The following ACR variants were observed in gnomAD, a reference collection of about 807,000 sequenced individuals.
ACR encodes the protein acrosin light and heavy chain prepropeptide.
A neutral mutation model predicts 26.0 loss-of-function variants in ACR; 17 were observed. That is an observed-to-expected ratio of 0.65 (90% CI 0.45 to 0.98). ACR has a LOEUF of 0.98. ACR is among the 50% of genes least tolerant of loss of function. ACR has a pLI of 0.00. For synonymous variants in ACR, 199 were observed against 207.7 expected (o/e 0.96, Z 0.36); for missense variants, 435 against 519.3 (o/e 0.84, Z 1.58).
Position 50,739,464 on chromosome 22 carries a change from G to A in ACR, c.271G>A (p.Val91Ile), listed in dbSNP as rs764777015. ...RWVLTAAHCF[V>I]GKNNVHDWRL... ...GGTGCTCACTGCTGCTCACTGCTTC[G>A]TCGGCAAAAAGTACGTGTAGGGATG... Residue 91 changes from valine (V) to isoleucine (I), a missense_variant, in exon 2 of 5, where the codon GTC (valine) becomes ATC (isoleucine). Physicochemically the swap from Val to Ile is conservative, Grantham distance 29 (BLOSUM62 3). Around this residue, in one of 3 missense-constraint regions of ACR, gnomAD observed 314 missense variants for 372.0 expected, o/e 0.84. Coordinates refer to ENST00000216139, the MANE Select transcript of ACR (RefSeq NM_001097.3). This position sits in a 1 kb window ranked among gnomAD's most constrained non-coding sequence, Gnocchi z 5.5. 27 of 1,614,038 alleles carry A rather than the reference G, an allele frequency of 1.7e-5. No individual in the cohort carries two copies. The highest frequency in any genetic ancestry group is 8.9e-5 in the East Asian group (4 of 44,894).
rs1045521116 is a variant in ACR, at chr22:50,739,636, C to A, written c.282-58C>A. On this transcript the variant is annotated intron_variant, in intron 2 of 4. Coordinates refer to ENST00000216139, the MANE Select transcript of ACR (RefSeq NM_001097.3). This position sits in a 1 kb window ranked among gnomAD's most constrained non-coding sequence, Gnocchi z 5.5. Reference sequence around the variant, plus strand: ...TTTGCTAGGGGAAGGCCCTGAGGGTCGCTGTCACCAGGCTTTTGTCCAGCC... The same window carrying A: ...TTTGCTAGGGGAAGGCCCTGAGGGTAGCTGTCACCAGGCTTTTGTCCAGCC... The A allele has an allele frequency of 1.3e-5, 20 of 1,540,564 alleles. No individual in the cohort carries two copies. The African/African-American group carries it at 2.3e-4, about 18-fold the overall frequency.
intron 3 of ACR, among the ~76,000 whole-genome samples, chr22:50,742,319 T>G (rs993454379): frequency 6.6e-6 from 1 of 151,882 alleles, no homozygotes; most frequent in Non-Finnish European, 1.5e-5. Flanking sequence ...CCAAGGAGGG[T>G]GGATCACAAG....
At chr22:50,742,955 C>T (rs1325853128) in intron 3 of ACR, among the ~76,000 whole-genome samples, 1 of 148,154 alleles carries the variant, frequency 6.7e-6, no homozygotes, top group Non-Finnish European at 1.5e-5. Flanking sequence ...TGTGGGACCC[C>T]TTGAAAAGGA....
In ACR at chr22:50,739,964, TATA is replaced by T. The variant is rs1366845454; in HGVS notation, c.553_555del (p.Ile185del). 10 of 1,613,542 alleles carry T rather than the reference TATA, an allele frequency of 6.2e-6. 1 individual carries two copies. The South Asian group carries it at 8.8e-5, about 14-fold the overall frequency. ...GCTGCTGGGTGGCCGGCTGGGGATATATAGAAGAGAAAGGTGAGTATGGGAGCG... is the reference window on the plus strand; with the variant it reads ...GCTGCTGGGTGGCCGGCTGGGGATATGAAGAGAAAGGTGAGTATGGGAGCG... On this transcript the variant is annotated inframe_deletion, in exon 3 of 5. Transcript: ENST00000216139. This position sits in a 1 kb window ranked among gnomAD's most constrained non-coding sequence, Gnocchi z 5.5.
Position 50,745,304 on chromosome 22 carries a change from C to T in ACR, c.*97C>T, listed in dbSNP as rs1196425341. 1 of 1,240,912 alleles carries T rather than the reference C, an allele frequency of 8.1e-7. No homozygotes were observed. Among genetic ancestry groups the T allele is most frequent in the Non-Finnish European group, 1.1e-6 (1 of 923,538 alleles). The allele number at this position is 1,240,912 out of a possible 1,614,324, so 76.9% of individuals were successfully genotyped here. On this transcript the variant is annotated 3_prime_UTR_variant, in exon 5 of 5. Coordinates refer to ENST00000216139, the MANE Select transcript of ACR (RefSeq NM_001097.3). The stretch of plus-strand genomic sequence containing the variant: ...AAACATATATATATAGATATACACA[C>T]ACACATATCTGTATGTATACATGCA...
At chr22:50,741,010 T>C (rs949257135) in intron 3 of ACR, among the ~76,000 whole-genome samples, 17 of 152,236 alleles carry the variant, frequency 1.1e-4, no homozygotes, top group African/African-American at 4.1e-4. Context: ...CAGTAGGACT[T>C]GATCTCTGCA....
chr22:50,740,193 G>A, intron 3 of ACR: 2 of 688,730 alleles, frequency 2.9e-6, no homozygotes, highest in Non-Finnish European at 2.6e-6. Flanking sequence ...GACAGCAGGT[G>A]CAGGCAGAGC....
At position 50,739,346 on chromosome 22, in the gene ACR, T is replaced by C. The variant is rs761928464; in HGVS notation, c.153T>C (p.His51=). Residue 51 remains histidine (H), a synonymous_variant, in exon 2 of 5, where the codon CAT becomes CAC. Coordinates refer to ENST00000216139, the MANE Select transcript of ACR (RefSeq NM_001097.3). This position sits in a 1 kb window ranked among gnomAD's most constrained non-coding sequence, Gnocchi z 5.5. ...VRIVGGKAAQ[H]GAWPWMVSLQ... ...TCGTCGGCGGGAAGGCTGCACAGCATGGGGCCTGGCCCTGGATGGTCAGCC... is the reference window on the plus strand; with the variant it reads ...TCGTCGGCGGGAAGGCTGCACAGCACGGGGCCTGGCCCTGGATGGTCAGCC... 4 of 1,612,598 alleles carry C rather than the reference T, an allele frequency of 2.5e-6. No homozygotes were observed. The Admixed American group carries it at 6.7e-5, about 27-fold the overall frequency.
At chr22:50,743,323 C>T (rs1279697178) in intron 3 of ACR, among the ~76,000 whole-genome samples, 1 of 152,224 alleles carries the variant, frequency 6.6e-6, no homozygotes, top group South Asian at 2.1e-4. Context: ...GCGTGAGCCA[C>T]CGCGCCCAGC....
rs1206039647 is a variant in ACR, at chr22:50,739,276, C to G, written c.83C>G (p.Pro28Arg). 6.4e-7 allele frequency: 1 copy of G among 1,570,720 alleles called. No homozygotes were observed. The highest frequency in any genetic ancestry group is 8.6e-7 in the Non-Finnish European group (1 of 1,157,596). Residue 28 changes from proline to arginine, a missense_variant, in exon 2 of 5, where the codon CCC becomes CGC. Coordinates refer to ENST00000216139, the MANE Select transcript of ACR (RefSeq NM_001097.3). The surrounding 1 kb of genome is among the most constrained non-coding windows in gnomAD (Gnocchi z 5.5). ...GTGCTCTGGTCTCTCCCCAGTGGCC[C>G]CTGTGGGTTACGGTTCAGGCAAAAC... is the stretch of plus-strand genomic sequence containing the variant. The part of the protein sequence containing the change: ...VAKDNATCDG[P>R]CGLRFRQNPQ...
intron 3 of ACR, among the ~76,000 whole-genome samples, chr22:50,741,798 G>T: frequency 6.6e-6 from 1 of 150,890 alleles, no homozygotes; most frequent in Non-Finnish European, 1.5e-5. Flanking sequence ...TTCCCATTGG[G>T]TTTTGAGTCC....
chr22:50,739,249 C>T lies in ACR; in HGVS notation c.78-22C>T, dbSNP rs772193783. The T allele has an allele frequency of 1.3e-6, 2 of 1,550,218 alleles. No homozygotes were observed. The highest frequency in any genetic ancestry group is 1.7e-6 in the Non-Finnish European group (2 of 1,145,480). ...AGGCTGTGCTCATGCCAGGTTTGAA[C>T]TGTGCTCTGGTCTCTCCCCAGTGGC... is the stretch of plus-strand genomic sequence containing the variant. On this transcript the variant is annotated intron_variant, in intron 1 of 4. Transcript: ENST00000216139. The surrounding 1 kb of genome is among the most constrained non-coding windows in gnomAD (Gnocchi z 5.5).
chr22:50,741,293 C>T (rs1354888127), intron 3 of ACR, among the ~76,000 whole-genome samples: 1 of 152,144 alleles, frequency 6.6e-6, no homozygotes, highest in East Asian at 1.9e-4. Flanking sequence ...TCCTTGTTCT[C>T]ACTGGCCTCA....
At chr22:50,742,476 G>A (rs1257147042) in intron 3 of ACR, among the ~76,000 whole-genome samples, 3 of 151,582 alleles carry the variant, frequency 2.0e-5, no homozygotes, top group Non-Finnish European at 4.4e-5. Flanking sequence ...CCCAGGAGGC[G>A]GAGCTTGCAG....
chr22:50,739,363 T>C lies in ACR; in HGVS notation c.170T>C (p.Met57Thr). 6.2e-7 allele frequency: 1 copy of C among 1,613,520 alleles called. No individual in the cohort carries two copies. The highest frequency in any genetic ancestry group is 8.5e-7 in the Non-Finnish European group (1 of 1,179,794). ...GCACAGCATGGGGCCTGGCCCTGGA[T>C]GGTCAGCCTCCAGATCTTCACGTAC... The part of the protein sequence containing the change: ...KAAQHGAWPW[M>T]VSLQIFTYNS... Residue 57 changes from methionine to threonine, a missense_variant, in exon 2 of 5, where the codon ATG (methionine) becomes ACG (threonine). Physicochemically the swap from Met to Thr is moderately conservative, Grantham distance 81 (BLOSUM62 -1). This residue lies in a region of ACR where 314 missense variants were observed against 372.0 expected (regional missense o/e 0.84). Transcript: ENST00000216139. This position sits in a 1 kb window ranked among gnomAD's most constrained non-coding sequence, Gnocchi z 5.5.
At chr22:50,742,462 T>G (rs1002648495) in intron 3 of ACR, among the ~76,000 whole-genome samples, 39 of 149,318 alleles carry the variant, frequency 2.6e-4, no homozygotes, top group African/African-American at 7.2e-4. Flanking sequence ...GAGAATGGCG[T>G]GAACCCAGGA....
At chr22:50,742,619 C>G (rs2083430075) in intron 3 of ACR, among the ~76,000 whole-genome samples, 2 of 152,110 alleles carry the variant, frequency 1.3e-5, no homozygotes, top group Non-Finnish European at 2.9e-5. Context: ...AATGTCACCC[C>G]TACCCCAAGG....
chr22:50,740,834 G>C, intron 3 of ACR: 1 of 643,930 alleles, frequency 1.6e-6, no homozygotes, highest in Non-Finnish European at 2.8e-6. Flanking sequence ...AGGGCCCCAG[G>C]TGTGACCTAG....
At chr22:50,740,004 G>A in intron 3 of ACR, 27 bp downstream of exon 3, 2 of 1,612,006 alleles carry the variant, frequency 1.2e-6, no homozygotes, top group South Asian at 1.1e-5. Flanking sequence ...CTCCAAGGGG[G>A]GACGCTGCTG....
Sources: gnomAD v4.1 joint callset for allele counts (sites outside exome capture counted in the v4.1 genomes callset) on GRCh38, gnomAD v4.1.1 for gene constraint, gnomAD v4.1.1 regional missense constraint, Gnocchi (gnomAD v3.1) non-coding constraint, MANE v1.5 for transcripts, NCBI Gene and HGNC (gene_info 2026-07-23, HGNC 2026-07-21) for gene names.